Variants in GALNT9 observed in about 807,000 individuals in gnomAD.
The protein encoded by GALNT9 is GalNAc transferase 9.
Under a neutral mutation model 63.1 loss-of-function variants are expected in GALNT9, and 47 were observed. The observed-to-expected ratio is 0.75, with a 90% CI of 0.59 to 0.95. The LOEUF is 0.95. Ranked by LOEUF, GALNT9 falls within the 40% of genes least tolerant of loss-of-function variation. GALNT9 has a pLI of 0.00. For missense variants in GALNT9, 829 were observed against 874.8 expected (o/e 0.95, Z 0.66); for synonymous variants, 396 against 365.7 (o/e 1.08, Z -0.94).
intron 9 of GALNT9, 144 bp from the exon 10 acceptor site, chr12:132,198,103 C>T (rs966708472): frequency 3.6e-5 from 25 of 688,596 alleles, no homozygotes; most frequent in Non-Finnish European, 5.7e-5. Context: ...GACGCTGTTG[C>T]GGGCGGGAGA....
intron 1 of GALNT9, among the ~76,000 whole-genome samples, chr12:132,306,848 T>G (rs1348750335): frequency 2.0e-5 from 3 of 152,216 alleles, no homozygotes; most frequent in Non-Finnish European, 2.9e-5. Context: ...GTCATTCTGC[T>G]TTTACGGAAT....
At chr12:132,301,637 C>T (rs918830741) in intron 1 of GALNT9, among the ~76,000 whole-genome samples, 2 of 152,248 alleles carry the variant, frequency 1.3e-5, no homozygotes, top group East Asian at 3.8e-4. Flanking sequence ...GCCATGTGGA[C>T]ACATTCAGGT....
Position 132,201,106 on chromosome 12 carries a change from C to T in GALNT9, c.1401+18G>A, listed in dbSNP as rs1471159875. The T allele has an allele frequency of 8.1e-6, 13 of 1,610,710 alleles. No individual in the cohort carries two copies. Among genetic ancestry groups the T allele is most frequent in the Admixed American group, 1.7e-5 (1 of 59,790 alleles). On this transcript the variant is annotated intron_variant, in intron 8 of 10. Coordinates refer to ENST00000328957, the MANE Select transcript of GALNT9 (RefSeq NM_001122636.2). ...GAAAGCCTGTCGGGCCGAACGGGGCCCTCGGGGGAGGTGCTACCTCTCCGT... is the reference window on the plus strand; with the variant it reads ...GAAAGCCTGTCGGGCCGAACGGGGCTCTCGGGGGAGGTGCTACCTCTCCGT...
At chr12:132,256,908 G>C (rs188986258) in intron 5 of GALNT9, among the ~76,000 whole-genome samples, 1 of 152,376 alleles carries the variant, frequency 6.6e-6, no homozygotes, top group African/African-American at 2.4e-5. Flanking sequence ...ACTGTGGGGA[G>C]CACATTTCAT....
intron 2 of GALNT9, among the ~76,000 whole-genome samples, chr12:132,281,450 T>G (rs1300203137): frequency 6.6e-6 from 1 of 152,152 alleles, no homozygotes; most frequent in African/African-American, 2.4e-5. Context: ...CCTCCTCACT[T>G]TTTTTGGGAA....
chr12:132,299,137 CCACACCTAACCCACCCCCAA>C (rs201819733), intron 1 of GALNT9, among the ~76,000 whole-genome samples: 15,536 of 129,574 alleles, frequency 0.12, 1,348 homozygotes, highest in African/African-American at 0.17. Context: ...CCCACTCCCA[CCACACCTAACCCACCCCCAA>C]CACACCTAAC....
intron 1 of GALNT9, among the ~76,000 whole-genome samples, chr12:132,314,862 G>A (rs1593122736): frequency 6.6e-6 from 1 of 152,370 alleles, no homozygotes; most frequent in Middle Eastern, 3.4e-3. Context: ...CTTCCGTGCA[G>A]TGGAGTCGGG....
rs985440775 is a variant in GALNT9 at position 132,196,882 on chromosome 12, C to T, written c.*225G>A. 35 of 1,376,174 alleles carry T rather than the reference C, an allele frequency of 2.5e-5. No individual in the cohort carries two copies. The highest frequency in any genetic ancestry group is 2.7e-4 in the Middle Eastern group (1 of 3,670). 85.2% of individuals were successfully genotyped at this position (1,376,174 alleles called of 1,614,324 possible). A position where few individuals can be genotyped will look rare whatever the true frequency, so the allele number is the denominator to read the frequency against. On this transcript the variant is annotated 3_prime_UTR_variant, in exon 11 of 11. Coordinates refer to ENST00000328957, the MANE Select transcript of GALNT9 (RefSeq NM_001122636.2). ...TTGAGTTGGCATCACTGTCCCCAGA[C>T]GCCCTCCCTCGGGTAGAGCCGCCTG...
chr12:132,322,952 C>T (rs995807147), intron 1 of GALNT9, among the ~76,000 whole-genome samples: 13 of 152,330 alleles, frequency 8.5e-5, no homozygotes, highest in African/African-American at 2.4e-4. Flanking sequence ...AAAGCCCAGG[C>T]CACAGGGGCA....
At chr12:132,269,670 G>C (rs1414178921) in intron 2 of GALNT9, among the ~76,000 whole-genome samples, 4 of 152,318 alleles carry the variant, frequency 2.6e-5, no homozygotes, top group East Asian at 3.9e-4. Flanking sequence ...CCATGGATTC[G>C]GGGCCGAGGG....
At chr12:132,307,295 G>A (rs1881649332) in intron 1 of GALNT9, among the ~76,000 whole-genome samples, 1 of 152,152 alleles carries the variant, frequency 6.6e-6, no homozygotes, top group African/African-American at 2.4e-5. Flanking sequence ...TTCACATTTT[G>A]GAAGAAATGG....
At chr12:132,303,801 A>G (rs879973183) in intron 1 of GALNT9, among the ~76,000 whole-genome samples, 1,765 of 17,590 alleles carry the variant, frequency 0.1, 106 homozygotes, top group African/African-American at 0.17. Context: ...CCTCACCCAG[A>G]CACACCCTCA....
rs782663711 is a variant in GALNT9 at position 132,315,202 on chromosome 12, T to C, written c.238+13764A>G. Among the ~76,000 whole-genome samples, 3 of 151,622 alleles carry C rather than the reference T, an allele frequency of 2.0e-5. No individual in the cohort carries two copies. The highest frequency in any genetic ancestry group is 6.6e-5 in the Admixed American group (1 of 15,202). On this transcript the variant is annotated intron_variant, in intron 1 of 10. Transcript: ENST00000328957. This position sits in a 1 kb window ranked among gnomAD's most constrained non-coding sequence, Gnocchi z 6.1. Reference sequence around the variant, plus strand: ...CACCGAGCAACTAAGATAATCAGGGTGGCCTCCCCCGTGTCCACTGCAAAG... The same window carrying C: ...CACCGAGCAACTAAGATAATCAGGGCGGCCTCCCCCGTGTCCACTGCAAAG...
rs913281933 is a variant in GALNT9, at chr12:132,316,095, G to A, written c.238+12871C>T. On this transcript the variant is annotated intron_variant, in intron 1 of 10. Coordinates refer to ENST00000328957, the MANE Select transcript of GALNT9 (RefSeq NM_001122636.2). This position sits in a 1 kb window ranked among gnomAD's most constrained non-coding sequence, Gnocchi z 4.3. ...CGTCATGTTTCCTCATCAGCCTTTC[G>A]CCTCCTCTCTCACTGAAAGAAGAGG... is the stretch of plus-strand genomic sequence containing the variant. 3.3e-5 allele frequency among the ~76,000 whole-genome samples: 5 copies of A among 152,184 alleles called. No individual in the cohort carries two copies. Among genetic ancestry groups the A allele is most frequent in the South Asian group, 2.1e-4 (1 of 4,818 alleles).
At chr12:132,214,378 C>T (rs990077010) in intron 6 of GALNT9, among the ~76,000 whole-genome samples, 1 of 152,238 alleles carries the variant, frequency 6.6e-6, no homozygotes, top group Non-Finnish European at 1.5e-5. Flanking sequence ...CATCTGGAAC[C>T]TCACTAGCCC....
At chr12:132,256,475 C>T (rs550869644) in intron 5 of GALNT9, among the ~76,000 whole-genome samples, 3 of 150,220 alleles carry the variant, frequency 2.0e-5, no homozygotes, top group South Asian at 2.1e-4. Flanking sequence ...CCGCTGTGAA[C>T]GTTTGTGTGG....
At chr12:132,269,509 G>A (rs191558576) in intron 2 of GALNT9, among the ~76,000 whole-genome samples, 18 of 152,298 alleles carry the variant, frequency 1.2e-4, no homozygotes, top group Admixed American at 5.2e-4. Flanking sequence ...GGAGGAGCCC[G>A]TGCCGGTCCC....
chr12:132,196,399 T>C lies in GALNT9; in HGVS notation c.*708A>G. On this transcript the variant is annotated 3_prime_UTR_variant, in exon 11 of 11. Coordinates refer to ENST00000328957, the MANE Select transcript of GALNT9 (RefSeq NM_001122636.2). ...TGGCTGGGCGCCAATAAAACTGTAT[T>C]TATTAAAACAGGCAAGGGGCTGGGC... The C allele has an allele frequency of 1.0e-6, 1 of 981,676 alleles. No homozygotes were observed. Among genetic ancestry groups the C allele is most frequent in the African/African-American group, 1.7e-5 (1 of 57,252 alleles). The allele number at this position is 981,676 out of a possible 1,614,324, so 60.8% of individuals were successfully genotyped here.
chr12:132,258,943 T>A (rs1279875915), intron 4 of GALNT9, among the ~76,000 whole-genome samples: 10 of 150,502 alleles, frequency 6.6e-5, no homozygotes, highest in African/African-American at 2.2e-4. Flanking sequence ...TGAGGGCAGA[T>A]TCGGGTCGGC....
Sources: gnomAD v4.1 joint callset for allele counts (sites outside exome capture counted in the v4.1 genomes callset) on GRCh38, gnomAD v4.1.1 for gene constraint, Gnocchi (gnomAD v3.1) non-coding constraint, MANE v1.5 for transcripts, NCBI Gene and HGNC (gene_info 2026-07-23, HGNC 2026-07-21) for gene names.